Variants in STK4 observed in about 807,000 individuals in gnomAD.
STK4 encodes serine/threonine kinase 4, also known as serine/threonine-protein kinase 4.
In STK4, 30 loss-of-function variants were observed where a neutral mutation model predicts 64.9. The observed-to-expected ratio is 0.46, with a 90% CI of 0.35 to 0.63. The LOEUF is 0.63. STK4 is among the 20% of genes least tolerant of loss of function. STK4 has a pLI of 0.01. For missense variants in STK4, 466 were observed against 598.5 expected (o/e 0.78, Z 2.31); for synonymous variants, 177 against 199.0 (o/e 0.89, Z 0.93).
Position 44,978,909 on chromosome 20 carries a change from G to C in STK4, c.245+338G>C, listed in dbSNP as rs1415303803. On this transcript the variant is annotated intron_variant, in intron 3 of 10. Transcript: ENST00000372806. ...CACCTCCCAGGTTCAAGTGATTCTTGTGCCTCAGCCTCCCGAGTAGCTGGG... is the reference window on the plus strand; with the variant it reads ...CACCTCCCAGGTTCAAGTGATTCTTCTGCCTCAGCCTCCCGAGTAGCTGGG... Among the ~76,000 whole-genome samples the C allele has an allele frequency of 2.7e-5, 4 of 148,232 alleles. No individual in the cohort carries two copies. In the East Asian group the frequency reaches 8.0e-4, roughly 30 times the overall value.
chr20:45,022,051 C>G (rs541992176), intron 9 of STK4, among the ~76,000 whole-genome samples: 1 of 148,926 alleles, frequency 6.7e-6, no homozygotes, highest in Non-Finnish European at 1.5e-5. Context: ...ATAGGGATTA[C>G]TTTCCATTTT....
At chr20:45,021,876 A>G (rs2068254614) in intron 9 of STK4, among the ~76,000 whole-genome samples, 1 of 152,316 alleles carries the variant, frequency 6.6e-6, no homozygotes, top group African/African-American at 2.4e-5. Flanking sequence ...GAGCATAAAT[A>G]TGTTTTCATA....
In STK4 at chr20:45,022,538, CAAAT is replaced by C. The variant is rs1029876261; in HGVS notation, c.1148-2432_1148-2429del. On this transcript the variant is annotated intron_variant, in intron 9 of 10. Coordinates refer to ENST00000372806, the MANE Select transcript of STK4 (RefSeq NM_006282.5). ...TCATCTGAACAGTGACAGAAATAGA[CAAAT>C]AATTATATTCTCACTTAACAGACAT... Among the ~76,000 whole-genome samples the C allele has an allele frequency of 5.3e-5, 8 of 152,250 alleles. 1 individual carries two copies. Among genetic ancestry groups the C allele is most frequent in the East Asian group, 1.9e-4 (1 of 5,184 alleles).
At chr20:45,071,652 A>T (rs1271294108) in intron 10 of STK4, among the ~76,000 whole-genome samples, 1 of 152,260 alleles carries the variant, frequency 6.6e-6, no homozygotes, top group African/African-American at 2.4e-5. Flanking sequence ...GACAGGCAGC[A>T]ATACTTTGTG....
At chr20:45,055,735 T>C (rs1978422517) in intron 10 of STK4, among the ~76,000 whole-genome samples, 1 of 151,148 alleles carries the variant, frequency 6.6e-6, no homozygotes, top group African/African-American at 2.4e-5. Flanking sequence ...CTTTTTTTTT[T>C]GTTTTCTTTT....
intron 10 of STK4, among the ~76,000 whole-genome samples, chr20:45,046,926 C>T (rs111620174): frequency 0.016 from 2,375 of 148,742 alleles, 61 homozygotes; most frequent in African/African-American, 0.055. Flanking sequence ...GTGATCTGCC[C>T]GCCTCGGCCT....
intron 10 of STK4, among the ~76,000 whole-genome samples, chr20:45,056,550 T>G (rs1237489588): frequency 6.6e-6 from 1 of 152,236 alleles, no homozygotes; most frequent in Non-Finnish European, 1.5e-5. Context: ...GGACTGTAAA[T>G]ATCATCCAGA....
At chr20:44,995,604 T>TG (rs1568701260) in intron 6 of STK4, among the ~76,000 whole-genome samples, 1,633 of 31,882 alleles carry the variant, frequency 0.051, 56 homozygotes, top group African/African-American at 0.22. Context: ...AGACTCCATC[T>TG]CAAAAAAAAA....
At position 44,985,501 on chromosome 20, in the gene STK4, C is replaced by T. The variant is rs1211956652; in HGVS notation, c.361-1631C>T. ...TGGATTACAGGTGCCTGCCACCACA[C>T]CCAGCTAATTTTTGTATTTTTAGTA... On this transcript the variant is annotated intron_variant, in intron 4 of 10. Coordinates refer to ENST00000372806, the MANE Select transcript of STK4 (RefSeq NM_006282.5). Among the ~76,000 whole-genome samples, 23 of 152,134 alleles carry T rather than the reference C, an allele frequency of 1.5e-4. 1 individual carries two copies. Among genetic ancestry groups the T allele is most frequent in the Admixed American group, 1.5e-3 (23 of 15,268 alleles).
chr20:44,977,704 C>T (rs2145643317), intron 2 of STK4, among the ~76,000 whole-genome samples: 1 of 152,150 alleles, frequency 6.6e-6, no homozygotes, highest in Non-Finnish European at 1.5e-5. Flanking sequence ...CTGTAGCCTC[C>T]AAATTGACTA....
chr20:45,062,698 G>A (rs147501925), intron 10 of STK4, among the ~76,000 whole-genome samples: 86 of 151,856 alleles, frequency 5.7e-4, no homozygotes, highest in African/African-American at 1.9e-3. Context: ...TCGCTTTGTC[G>A]CCCAGGCTGG....
At chr20:45,074,705 T>G (rs1600583596) in intron 10 of STK4, among the ~76,000 whole-genome samples, 3 of 152,206 alleles carry the variant, frequency 2.0e-5, no homozygotes, top group Non-Finnish European at 4.4e-5. Flanking sequence ...TAACAATGAA[T>G]CTATATTTAA....
chr20:44,986,984 G>A lies in STK4; in HGVS notation c.361-148G>A, dbSNP rs373993946. 3.8e-5 allele frequency: 22 copies of A among 579,818 alleles called. 1 individual carries two copies. The highest frequency in any genetic ancestry group is 6.6e-5 in the East Asian group (2 of 30,534). 35.9% of individuals were successfully genotyped at this position (579,818 alleles called of 1,614,324 possible). On this transcript the variant is annotated intron_variant, in intron 4 of 10. Coordinates refer to ENST00000372806, the MANE Select transcript of STK4 (RefSeq NM_006282.5). The stretch of plus-strand genomic sequence containing the variant: ...GGAAATATAGCCTTGGGAGTGGTCA[G>A]TGTATCTATGGTATAAGCAGTCAAA...
chr20:44,989,048 T>A (rs952545932), intron 5 of STK4, among the ~76,000 whole-genome samples: 3 of 152,214 alleles, frequency 2.0e-5, no homozygotes, highest in African/African-American at 7.2e-5. Flanking sequence ...ATATTTAGAT[T>A]GTTTCTGCTT....
intron 10 of STK4, among the ~76,000 whole-genome samples, chr20:45,032,632 A>G (rs74923828): frequency 3.3e-5 from 5 of 152,194 alleles, no homozygotes; most frequent in Non-Finnish European, 7.3e-5. Flanking sequence ...GTAGTATACC[A>G]TGTCAACATG....
At chr20:45,003,704 GT>G (rs781558083) in intron 9 of STK4, among the ~76,000 whole-genome samples, 2 of 150,800 alleles carry the variant, frequency 1.3e-5, no homozygotes, top group Non-Finnish European at 2.9e-5. Context: ...AACCTAAAAC[GT>G]CTCTAAATTT....
At chr20:44,977,773 G>A (rs1319008268) in intron 2 of STK4, among the ~76,000 whole-genome samples, 2 of 152,210 alleles carry the variant, frequency 1.3e-5, no homozygotes, top group African/African-American at 4.8e-5. Flanking sequence ...AGGAAGCAAA[G>A]AGTGTGTGTG....
chr20:45,073,487 C>G (rs1980256525), intron 10 of STK4, among the ~76,000 whole-genome samples: 1 of 152,150 alleles, frequency 6.6e-6, no homozygotes, highest in Non-Finnish European at 1.5e-5. Flanking sequence ...GGTAGACAGA[C>G]AGAGGGCCCT....
chr20:45,000,434 G>C lies in STK4; in HGVS notation c.874G>C (p.Asp292His). Residue 292 changes from aspartate (D) to histidine (H), a missense_variant, in exon 8 of 11, where the codon GAC (aspartate) becomes CAC (histidine). By Grantham distance (81) the Asp-to-His change is moderately conservative (BLOSUM62 -1). Coordinates refer to ENST00000372806, the MANE Select transcript of STK4 (RefSeq NM_006282.5). ...TGCCAAAGGAGTGTCAATACTGCGA[G>C]ACTTAATTAATGAAGCCATGGATGT... ...RSAKGVSILRDLINEAMDVKL... is the reference protein window; with the variant it reads ...RSAKGVSILRHLINEAMDVKL... 2 of 1,614,062 alleles carry C rather than the reference G, an allele frequency of 1.2e-6. No homozygotes were observed. The highest frequency in any genetic ancestry group is 1.7e-6 in the Non-Finnish European group (2 of 1,179,952).
Sources: allele counts gnomAD v4.1 joint callset (sites outside exome capture counted in the v4.1 genomes callset), GRCh38; gene constraint gnomAD v4.1.1; transcripts MANE v1.5; gene names NCBI Gene and HGNC (gene_info 2026-07-23, HGNC 2026-07-21).